Variants in ATF5 observed in about 807,000 individuals in gnomAD.
The protein encoded by ATF5 is activating transcription factor 5, also known as cyclic AMP-dependent transcription factor ATF-5.
Under a neutral mutation model 4.6 loss-of-function variants are expected in ATF5, and 6 were observed. The observed-to-expected ratio is 1.31, with a 90% CI of 0.72 to 2.59. The LOEUF is 2.59. Among genes scored for constraint, ATF5 ranks in the 30% most tolerant of loss-of-function variants. The probability of loss-of-function intolerance (pLI) is 0.00; values close to 1 mark genes in which losing one functional copy is unlikely to be tolerated. For missense variants in ATF5, 410 were observed against 368.7 expected (o/e 1.11, Z -0.92); for synonymous variants, 193 against 165.0 (o/e 1.17, Z -1.30).
chr19:49,932,475 C>T lies in ATF5; in HGVS notation c.232C>T (p.Pro78Ser). Residue 78 changes from proline (P) to serine (S), a missense_variant, in exon 3 of 3, where the codon CCT becomes TCT. By Grantham distance (74) the Pro-to-Ser change is moderately conservative. Transcript: ENST00000423777. The stretch of plus-strand genomic sequence containing the variant: ...GCGAGTTGATTTCACAGCTCTCCTC[C>T]CTCTGGAGCCTCCCTTACCCCCCGG... ...TERVDFTALL[P>S]LEPPLPPGTL... The T allele has an allele frequency of 6.2e-7, 1 of 1,613,484 alleles. No homozygotes were observed. The highest frequency in any genetic ancestry group is 8.5e-7 in the Non-Finnish European group (1 of 1,179,684).
Position 49,932,735 on chromosome 19 carries a change from C to A in ATF5, c.492C>A (p.Ile164=). The A allele has an allele frequency of 6.2e-7, 1 of 1,608,230 alleles. No individual in the cohort carries two copies. Residue 164 remains isoleucine, a synonymous_variant, in exon 3 of 3, where the codon ATC becomes ATA. Coordinates refer to ENST00000423777, the MANE Select transcript of ATF5 (RefSeq NM_001193646.2). Reference sequence around the variant, plus strand: ...TGGATACTCTGGACTTGCTGGCCATCTACTGCCGCAACGAGGCCGGGCAGG... The same window carrying A: ...TGGATACTCTGGACTTGCTGGCCATATACTGCCGCAACGAGGCCGGGCAGG... ...PVLDTLDLLA[I]YCRNEAGQEE... is the part of the protein sequence containing the mutation.
Position 49,932,957 on chromosome 19 carries a change from C to A in ATF5, c.714C>A (p.Gly238=). Residue 238 remains glycine, a synonymous_variant, in exon 3 of 3, where the codon GGC becomes GGA. Transcript: ENST00000423777. ...RKRAEGEALE[G]ECQGLEARNR... is the part of the protein sequence containing the mutation. ...GGGCAGAGGGTGAGGCCCTGGAGGGCGAGTGCCAGGGGCTGGAGGCACGGA... is the reference window on the plus strand; with the variant it reads ...GGGCAGAGGGTGAGGCCCTGGAGGGAGAGTGCCAGGGGCTGGAGGCACGGA... 6.2e-7 allele frequency: 1 copy of A among 1,613,940 alleles called. No homozygotes were observed. The highest frequency in any genetic ancestry group is 1.1e-5 in the South Asian group (1 of 91,042).
At chr19:49,929,200 G>C (rs1473818940), upstream of ATF5, 1 of 152,756 alleles carries the variant, frequency 6.5e-6, no homozygotes, top group African/African-American at 2.4e-5. Context: ...CCCCGGGGCC[G>C]CCTCATTCCC....
chr19:49,930,008 G>C (rs184006419), intron 1 of ATF5: 1 of 152,446 alleles, frequency 6.6e-6, no homozygotes, highest in East Asian at 1.9e-4. Flanking sequence ...CAGAAGGCGG[G>C]ACCCAGAGGC....
chr19:49,932,499 G>GCCCCCC lies in ATF5; in HGVS notation c.256_257insCCCCCC (p.Gly86delinsAlaProArg). ...CCCTCTGGAGCCTCCCTTACCCCCC[G>GCCCCCC]GCACCCTCCCCCAACCTTCCCCAAC... On this transcript the variant is annotated protein_altering_variant, in exon 3 of 3. Transcript: ENST00000423777. 1.5e-6 allele frequency: 1 copy of GCCCCCC among 661,906 alleles called. No homozygotes were observed. Among genetic ancestry groups the GCCCCCC allele is most frequent in the Non-Finnish European group, 2.2e-6 (1 of 446,968 alleles). The allele number at this position is 661,906 out of a possible 1,614,324, so 41.0% of individuals were successfully genotyped here. A position where few individuals can be genotyped will look rare whatever the true frequency, so the allele number is the denominator to read the frequency against.
chr19:49,930,860 C>T lies in ATF5; in HGVS notation c.10C>T (p.Leu4=), dbSNP rs1464238178. ...CACCTGTGCTACAGCCATGTCACTC[C>T]TGGCGACCCTGGGGCTGGAGCTGGA... MSL[L]ATLGLELDRA... The change falls in exon 2 of 3, where the codon CTG becomes TTG. Residue 4 remains leucine, a synonymous_variant. Transcript: ENST00000423777. The T allele has an allele frequency of 1.9e-6, 3 of 1,591,578 alleles. No homozygotes were observed. Among genetic ancestry groups the T allele is most frequent in the East Asian group, 4.5e-5 (2 of 44,162 alleles).
In ATF5 at chr19:49,932,624, G is replaced by A. The variant is rs750232796; in HGVS notation, c.381G>A (p.Pro127=). 2.1e-5 allele frequency: 18 copies of A among 842,912 alleles called. No homozygotes were observed. Among genetic ancestry groups the A allele is most frequent in the South Asian group, 4.0e-5 (2 of 49,586 alleles). The allele number at this position is 842,912 out of a possible 1,614,324, so 52.2% of individuals were successfully genotyped here. Reference sequence around the variant, plus strand: ...CCCCGCCCCTCCCACCACCCTCCCCGCCGCCACTACCACCACCACCACTAC... The same window carrying A: ...CCCCGCCCCTCCCACCACCCTCCCCACCGCCACTACCACCACCACCACTAC... ...LDAPPLPPPS[P]PPLPPPPLPP... is the part of the protein sequence containing the mutation. Residue 127 remains proline, a synonymous_variant, in exon 3 of 3, where the codon CCG becomes CCA. Transcript: ENST00000423777.
Position 49,933,817 on chromosome 19 carries a change from GAAA to G in ATF5, c.*731_*733del, listed in dbSNP as rs1428060330. On this transcript the variant is annotated 3_prime_UTR_variant, in exon 3 of 3. Coordinates refer to ENST00000423777, the MANE Select transcript of ATF5 (RefSeq NM_001193646.2). Reference sequence around the variant, plus strand: ...GACTGGGTGTTCATTTTAGCTCTAAGAAAAAAAATCAGTGTTTCGTGAAGGTGT... The same window carrying G: ...GACTGGGTGTTCATTTTAGCTCTAAGAAAAATCAGTGTTTCGTGAAGGTGT... 1 of 152,688 alleles carries G rather than the reference GAAA, an allele frequency of 6.5e-6. No homozygotes were observed. The highest frequency in any genetic ancestry group is 1.5e-5 in the Non-Finnish European group (1 of 68,032). 9.5% of individuals were successfully genotyped at this position (152,688 alleles called of 1,614,324 possible).
At chr19:49,929,532 G>C (rs76858107) in intron 1 of ATF5, 132 bp downstream of exon 1, 4,780 of 152,494 alleles carry the variant, frequency 0.031, 128 homozygotes, top group Non-Finnish European at 0.045. Context: ...GAAGTAGTAC[G>C]GTGGGCCGAA....
In ATF5 at chr19:49,932,690, C is replaced by T. The variant is rs1480751733; in HGVS notation, c.447C>T (p.Asp149=). Residue 149 remains aspartate, a synonymous_variant, in exon 3 of 3, where the codon GAC becomes GAT. Transcript: ENST00000423777. The part of the protein sequence containing the change: ...PSLPLSLPSF[D]LPQPPVLDTL... ...TCCCCCTGTCCCTCCCCTCCTTTGA[C>T]CTCCCCCAGCCCCCTGTCTTGGATA... 1 of 1,302,164 alleles carries T rather than the reference C, an allele frequency of 7.7e-7. No individual in the cohort carries two copies. Among genetic ancestry groups the T allele is most frequent in the Non-Finnish European group, 1.0e-6 (1 of 959,612 alleles). The allele number at this position is 1,302,164 out of a possible 1,614,324, so 80.7% of individuals were successfully genotyped here. A position where few individuals can be genotyped will look rare whatever the true frequency, so the allele number is the denominator to read the frequency against.
chr19:49,933,221 G>A lies in ATF5; in HGVS notation c.*129G>A. On this transcript the variant is annotated 3_prime_UTR_variant, in exon 3 of 3. Coordinates refer to ENST00000423777, the MANE Select transcript of ATF5 (RefSeq NM_001193646.2). ...TATGCTTGTAATCCCAGCACTTTGGGAGGCCAAGGCAGGAGGATCGTTTGA... is the reference window on the plus strand; with the variant it reads ...TATGCTTGTAATCCCAGCACTTTGGAAGGCCAAGGCAGGAGGATCGTTTGA... 9.6e-7 allele frequency: 1 copy of A among 1,038,922 alleles called. No homozygotes were observed. The highest frequency in any genetic ancestry group is 1.6e-5 in the African/African-American group (1 of 62,120). 64.4% of individuals were successfully genotyped at this position (1,038,922 alleles called of 1,614,324 possible).
chr19:49,930,754 C>A lies in ATF5; in HGVS notation c.-97C>A. The A allele has an allele frequency of 9.3e-7, 1 of 1,073,544 alleles. No homozygotes were observed. The highest frequency in any genetic ancestry group is 1.3e-6 in the Non-Finnish European group (1 of 773,176). 66.5% of individuals were successfully genotyped at this position (1,073,544 alleles called of 1,614,324 possible). A position where few individuals can be genotyped will look rare whatever the true frequency, so the allele number is the denominator to read the frequency against. On this transcript the variant is annotated 5_prime_UTR_variant, in exon 2 of 3. Coordinates refer to ENST00000423777, the MANE Select transcript of ATF5 (RefSeq NM_001193646.2). ...TAGGTCTTCCACTTTCGCCTTGGTG[C>A]CTGTCTTCGCCCACCTGAGCATCCT...
In ATF5 at chr19:49,933,052, A is replaced by C; in HGVS notation, c.809A>C (p.Glu270Ala). ...CAGTACGTCAAGGACCTGCTCATCG[A>C]GGTTTACAAGGCCCGGAGCCAGAGG... Reference protein sequence around the residue: ...EIQYVKDLLIEVYKARSQRTR... With the variant: ...EIQYVKDLLIAVYKARSQRTR... The change falls in exon 3 of 3, where the codon GAG becomes GCG. Residue 270 changes from glutamate to alanine, a missense_variant. Glu to Ala is a moderately radical substitution (Grantham distance 107). Coordinates refer to ENST00000423777, the MANE Select transcript of ATF5 (RefSeq NM_001193646.2). The C allele has an allele frequency of 6.2e-7, 1 of 1,604,488 alleles. No homozygotes were observed. The highest frequency in any genetic ancestry group is 8.5e-7 in the Non-Finnish European group (1 of 1,172,452).
intron 2 of ATF5, 93 bp from the exon 3 acceptor site, chr19:49,932,329 C>A: frequency 8.4e-7 from 1 of 1,191,444 alleles, no homozygotes; most frequent in Non-Finnish European, 1.3e-6. Context: ...ATGAATGGGA[C>A]AGATGCACCT....
At chr19:49,929,060 A>C (rs2075990580), upstream of ATF5, 1 of 152,210 alleles carries the variant, frequency 6.6e-6, no homozygotes, top group Non-Finnish European at 1.5e-5. Flanking sequence ...AGTGGGAAGG[A>C]AAGGCTCGGA....
In ATF5 at chr19:49,932,740, GC is replaced by G; in HGVS notation, c.499del (p.Arg167AlafsTer57). On this transcript the variant is annotated frameshift_variant, in exon 3 of 3. Coordinates refer to ENST00000423777, the MANE Select transcript of ATF5 (RefSeq NM_001193646.2). LOFTEE classifies it low-confidence loss of function (END_TRUNC). ...LDTLDLLAIYCRNEAGQEEVG... is the reference protein window; with the variant it reads ...LDTLDLLAIYXRNEAGQEEVG... ...ACTCTGGACTTGCTGGCCATCTACT[GC>G]CGCAACGAGGCCGGGCAGGAGGAAG... is the stretch of plus-strand genomic sequence containing the variant. 1 of 1,607,084 alleles carries G rather than the reference GC, an allele frequency of 6.2e-7. No homozygotes were observed. Among genetic ancestry groups the G allele is most frequent in the Non-Finnish European group, 8.5e-7 (1 of 1,178,110 alleles).
upstream of ATF5, chr19:49,929,192 C>G (rs1432631916): frequency 6.5e-6 from 1 of 152,822 alleles, no homozygotes; most frequent in East Asian, 1.9e-4. Flanking sequence ...TCCCCAGTCC[C>G]CGGGGCCGCC....
rs996277767 is a variant in ATF5 at position 49,930,793 on chromosome 19, C to T, written c.-58C>T. ...CCTGAGCATCCTCCAGAGCCTCGTG[C>T]CAGCTGCTGGTGCAGCCTCTCCTGT... is the stretch of plus-strand genomic sequence containing the variant. On this transcript the variant is annotated 5_prime_UTR_variant, in exon 2 of 3. Coordinates refer to ENST00000423777, the MANE Select transcript of ATF5 (RefSeq NM_001193646.2). 1.4e-6 allele frequency: 2 copies of T among 1,435,714 alleles called. No homozygotes were observed. Among genetic ancestry groups the T allele is most frequent in the Non-Finnish European group, 1.9e-6 (2 of 1,075,218 alleles). The allele number at this position is 1,435,714 out of a possible 1,614,324, so 88.9% of individuals were successfully genotyped here.
intron 1 of ATF5, chr19:49,929,736 A>C (rs956977118): frequency 4.8e-4 from 73 of 151,932 alleles, no homozygotes; most frequent in African/African-American, 1.7e-3. Context: ...AGAGCTGCGG[A>C]CCCTGAATGG....
Sources: allele counts gnomAD v4.1 joint callset, GRCh38; gene constraint gnomAD v4.1.1; transcripts MANE v1.5; gene names NCBI Gene and HGNC (gene_info 2026-07-23, HGNC 2026-07-21).